The following TTC3 variants were observed in gnomAD, a reference collection of about 807,000 sequenced individuals.
TTC3 encodes the protein tetratricopeptide repeat domain 3, also known as E3 ubiquitin-protein ligase TTC3.
A neutral mutation model predicts 249.6 loss-of-function variants in TTC3; 180 were observed. That is an observed-to-expected ratio of 0.72 (90% CI 0.64 to 0.82). The LOEUF (loss-of-function observed/expected upper bound fraction) is 0.82, where lower values mean the gene tolerates loss of function less well. TTC3 is among the 40% of genes least tolerant of loss of function. TTC3 has a pLI of 0.00. For missense variants in TTC3, 2,061 were observed against 2,398.4 expected (o/e 0.86, Z 2.94); for synonymous variants, 717 against 805.0 (o/e 0.89, Z 1.85).
chr21:37,111,150 C>T (rs1045350874), intron 11 of TTC3, among the ~76,000 whole-genome samples: 9 of 151,184 alleles, frequency 6.0e-5, no homozygotes, highest in African/African-American at 9.7e-5. Flanking sequence ...CATCAACTAA[C>T]GAGCAAAATA....
intron 28 of TTC3, 84 bp downstream of exon 28, chr21:37,156,990 T>A: frequency 6.7e-7 from 1 of 1,488,678 alleles, no homozygotes; most frequent in Non-Finnish European, 9.1e-7. Flanking sequence ...TTTAAATATA[T>A]AACAAAGAAA....
chr21:37,162,118 TA>T, intron 31 of TTC3, 55 bp downstream of exon 31: 1 of 1,108,906 alleles, frequency 9.0e-7, no homozygotes, highest in Non-Finnish European at 1.3e-6. Context: ...CTTTACTTAA[TA>T]AGTTGTGTTA....
In TTC3 at chr21:37,089,945, A is replaced by G. The variant is rs533275208; in HGVS notation, c.427-288A>G. On this transcript the variant is annotated intron_variant, in intron 5 of 45. Transcript: ENST00000355666. ...GGTTGTGGTGAGCTGAGACTGCGCC[A>G]CTGCACTCCAGCCTGGGTGACAGAG... is the stretch of plus-strand genomic sequence containing the variant. Among the ~76,000 whole-genome samples the G allele has an allele frequency of 4.7e-4, 71 of 151,782 alleles. 5 individuals are homozygous for G. In the South Asian group the frequency reaches 0.014, roughly 30 times the overall value.
chr21:37,132,641 T>C, intron 16 of TTC3, 41 bp from the exon 17 acceptor site: 1 of 1,525,004 alleles, frequency 6.6e-7, no homozygotes, highest in Non-Finnish European at 8.9e-7. Flanking sequence ...AGTAGAACTT[T>C]TATTTTAAAA....
chr21:37,090,229 T>G lies in TTC3; in HGVS notation c.427-4T>G. 3 of 1,591,100 alleles carry G rather than the reference T, an allele frequency of 1.9e-6. No individual in the cohort carries two copies. The highest frequency in any genetic ancestry group is 2.6e-6 in the Non-Finnish European group (3 of 1,166,938). ...AAAAAATATGTCCTTTTTTTATTTTTCAGAATGATTCATTCCTTATTGGAG... is the reference window on the plus strand; with the variant it reads ...AAAAAATATGTCCTTTTTTTATTTTGCAGAATGATTCATTCCTTATTGGAG... On this transcript the variant is annotated splice_region_variant and splice_polypyrimidine_tract_variant and intron_variant, in intron 5 of 45. Coordinates refer to ENST00000355666, the Ensembl canonical transcript of TTC3.
intron 15 of TTC3, among the ~76,000 whole-genome samples, chr21:37,127,685 C>T (rs1302642657): frequency 6.6e-6 from 1 of 152,118 alleles, no homozygotes; most frequent in Non-Finnish European, 1.5e-5. Context: ...CCTCTCTTTT[C>T]CCTTGTCTTG....
At chr21:37,148,709 C>A in intron 23 of TTC3, 62 bp downstream of exon 23, 1 of 1,097,460 alleles carries the variant, frequency 9.1e-7, no homozygotes, top group Non-Finnish European at 1.3e-6. Context: ...ATTTTTCCCC[C>A]AAGAATTCCT....
At chr21:37,090,387 A>G (rs930705617) in intron 6 of TTC3, 101 bp downstream of exon 6, 7 of 1,129,982 alleles carry the variant, frequency 6.2e-6, no homozygotes, top group South Asian at 1.5e-5. Flanking sequence ...TCAATGTTCT[A>G]TATGTGGTAT....
chr21:37,134,610 G>A (rs967504378), intron 17 of TTC3, among the ~76,000 whole-genome samples: 3 of 152,234 alleles, frequency 2.0e-5, no homozygotes, highest in South Asian at 2.1e-4. Context: ...TGGCGCACAC[G>A]TGTATAGCAA....
chr21:37,184,689 G>A (rs1042001985), intron 36 of TTC3, among the ~76,000 whole-genome samples: 5 of 143,628 alleles, frequency 3.5e-5, no homozygotes, highest in Admixed American at 7.3e-5. Flanking sequence ...GGCTGGTCTC[G>A]AACTCCTGAC....
intron 6 of TTC3, chr21:37,090,532 T>A (rs533997471): frequency 1.1e-6 from 1 of 929,970 alleles, no homozygotes; most frequent in East Asian, 1.2e-4. Flanking sequence ...TGATTCTTTT[T>A]CTCTTTTAGA....
rs535661560 is a variant in TTC3, at chr21:37,088,180, T to G, written c.188-16T>G. 1.7e-5 allele frequency: 25 copies of G among 1,502,548 alleles called. No individual in the cohort carries two copies. Among genetic ancestry groups the G allele is most frequent in the Non-Finnish European group, 2.2e-5 (25 of 1,120,342 alleles). The allele number at this position is 1,502,548 out of a possible 1,614,324, so 93.1% of individuals were successfully genotyped here. ...TGAGGCACAAACATTAATTTTAAAC[T>G]TTTTTTTTAATTAAGAATTTGACAT... On this transcript the variant is annotated splice_polypyrimidine_tract_variant and intron_variant, in intron 3 of 45. Transcript: ENST00000355666.
At chr21:37,158,307 C>A in intron 28 of TTC3, 1 of 650,078 alleles carries the variant, frequency 1.5e-6, no homozygotes, top group Non-Finnish European at 1.9e-6. Flanking sequence ...AGCATACACT[C>A]GTCCTTTAAC....
chr21:37,174,258 G>A (rs1443337806), intron 35 of TTC3, among the ~76,000 whole-genome samples: 1 of 152,174 alleles, frequency 6.6e-6, no homozygotes, highest in African/African-American at 2.4e-5. Flanking sequence ...TTAAGGCTTT[G>A]AGTCTGCTGT....
At chr21:37,160,695 G>T in intron 29 of TTC3, 107 bp from the exon 30 acceptor site, 1 of 1,123,194 alleles carries the variant, frequency 8.9e-7, no homozygotes, top group Non-Finnish European at 1.3e-6. Context: ...AACATTTTAT[G>T]TACATTTAAC....
At chr21:37,104,750 G>A (rs1270619414) in intron 10 of TTC3, among the ~76,000 whole-genome samples, 2 of 152,190 alleles carry the variant, frequency 1.3e-5, no homozygotes, top group East Asian at 3.9e-4. Flanking sequence ...AGATGTGGGT[G>A]AGACTGCTTA....
intron 44 of TTC3, among the ~76,000 whole-genome samples, chr21:37,198,259 G>A (rs907015161): frequency 2.0e-5 from 3 of 152,226 alleles, no homozygotes; most frequent in South Asian, 4.1e-4. Flanking sequence ...CTGCACATGA[G>A]TGACAAGGGC....
intron 10 of TTC3, chr21:37,098,223 A>G (rs569957414): frequency 6.3e-5 from 18 of 285,830 alleles, no homozygotes; most frequent in Non-Finnish European, 1.0e-4. Flanking sequence ...GTGAATTTGT[A>G]TGCTTTCAAG....
At chr21:37,103,821 AG>A (rs2147772852) in intron 10 of TTC3, among the ~76,000 whole-genome samples, 2 of 152,250 alleles carry the variant, frequency 1.3e-5, no homozygotes, top group Admixed American at 1.3e-4. Flanking sequence ...GCCTGAATAC[AG>A]AGGAGAGGGT....
Sources: gnomAD v4.1 joint callset for allele counts (sites outside exome capture counted in the v4.1 genomes callset) on GRCh38, gnomAD v4.1.1 for gene constraint, MANE v1.5 for transcripts, NCBI Gene and HGNC (gene_info 2026-07-23, HGNC 2026-07-21) for gene names.